KREMEN1: variants seen among roughly 807,000 people sequenced by gnomAD.
KREMEN1 encodes kringle containing transmembrane protein 1.
Under a neutral mutation model 46.5 loss-of-function variants are expected in KREMEN1, and 30 were observed. The observed-to-expected ratio is 0.65, with a 90% CI of 0.48 to 0.88. The LOEUF (loss-of-function observed/expected upper bound fraction) is 0.88. Among genes scored for constraint, KREMEN1 ranks in the 40% least tolerant of loss-of-function variants. The probability of loss-of-function intolerance (pLI) is 0.00; values close to 1 mark genes in which losing one functional copy is unlikely to be tolerated. For synonymous variants in KREMEN1, 214 were observed against 230.6 expected (o/e 0.93, Z 0.65); for missense variants, 533 against 596.9 (o/e 0.89, Z 1.11).
chr22:29,120,653 T>G (rs201254861), intron 3 of KREMEN1, among the ~76,000 whole-genome samples: 1 of 38,270 alleles, frequency 2.6e-5, no homozygotes. Context: ...AAACAGAGGG[T>G]GAAATGGTGC....
chr22:29,129,780 A>G (rs1387204550), intron 5 of KREMEN1, among the ~76,000 whole-genome samples: 10 of 152,186 alleles, frequency 6.6e-5, no homozygotes, highest in Admixed American at 6.5e-4. Flanking sequence ...TGCCACATCA[A>G]GTAATTTGTC....
downstream of KREMEN1, among the ~76,000 whole-genome samples, chr22:29,150,700 A>C (rs115475480): frequency 3.9e-5 from 6 of 152,356 alleles, no homozygotes; most frequent in African/African-American, 1.2e-4. Context: ...AGCCAAACAC[A>C]GGCGCAGCTT....
intron 9 of KREMEN1, among the ~76,000 whole-genome samples, chr22:29,153,211 C>A (rs371042350): frequency 6.6e-6 from 1 of 152,176 alleles, no homozygotes; most frequent in Non-Finnish European, 1.5e-5. Flanking sequence ...GGGTTTTGTC[C>A]GGCTTCTTCA....
chr22:29,114,277 A>G (rs1212659916), intron 3 of KREMEN1, among the ~76,000 whole-genome samples: 1 of 151,998 alleles, frequency 6.6e-6, no homozygotes, highest in Non-Finnish European at 1.5e-5. Context: ...TGAGGTCAGG[A>G]GTTCGAGACC....
intron 3 of KREMEN1, among the ~76,000 whole-genome samples, chr22:29,120,063 A>G (rs879851768): frequency 4.8e-5 from 6 of 126,242 alleles, no homozygotes; most frequent in Non-Finnish European, 1.0e-4. Context: ...AACAGGGAGG[A>G]GGGAGAGGTG....
intron 9 of KREMEN1, chr22:29,154,468 G>C (rs1368791499): frequency 6.6e-6 from 1 of 152,258 alleles, no homozygotes; most frequent in Non-Finnish European, 1.5e-5. Context: ...CAATGCTGCA[G>C]GTGGACAAAT....
intron 1 of KREMEN1, among the ~76,000 whole-genome samples, chr22:29,080,946 T>C (rs1466262245): frequency 6.7e-6 from 1 of 150,302 alleles, no homozygotes; most frequent in African/African-American, 2.4e-5. Flanking sequence ...TTGTCCTTTT[T>C]TTTTTTTTTT....
At chr22:29,109,758 G>A (rs1021076742) in intron 3 of KREMEN1, among the ~76,000 whole-genome samples, 1 of 152,220 alleles carries the variant, frequency 6.6e-6, no homozygotes, top group African/African-American at 2.4e-5. Context: ...GGGGAAGAGA[G>A]GATGCGTGTA....
At chr22:29,106,131 G>A (rs562811694) in intron 3 of KREMEN1, among the ~76,000 whole-genome samples, 91 of 152,252 alleles carry the variant, frequency 6.0e-4, no homozygotes, top group African/African-American at 2.1e-3. Context: ...AGCACTTTCT[G>A]TGTTTTAATG....
chr22:29,145,453 T>C lies in KREMEN1; in HGVS notation c.*3341T>C, dbSNP rs529118647. 69 of 985,634 alleles carry C rather than the reference T, an allele frequency of 7.0e-5. No individual in the cohort carries two copies. Among genetic ancestry groups the C allele is most frequent in the Non-Finnish European group, 8.2e-5 (68 of 830,110 alleles). 61.1% of individuals were successfully genotyped at this position (985,634 alleles called of 1,614,324 possible). On this transcript the variant is annotated 3_prime_UTR_variant, in exon 9 of 9. Coordinates refer to ENST00000400335, the MANE Select transcript of KREMEN1 (RefSeq NM_001039570.3). ...GGCCTGCGTGCCATCCTCACCCCTG[T>C]TCCCCGCTGGCGCCAGGCCCTGCCT... is the stretch of plus-strand genomic sequence containing the variant.
intron 1 of KREMEN1, among the ~76,000 whole-genome samples, chr22:29,085,122 C>G (rs142371179): frequency 1.3e-5 from 2 of 151,818 alleles, no homozygotes; most frequent in African/African-American, 4.8e-5. Context: ...ACTTTATGGC[C>G]GAATTTGTTT....
At chr22:29,157,031 T>C (rs1202183631) in intron 9 of KREMEN1, among the ~76,000 whole-genome samples, 1 of 152,218 alleles carries the variant, frequency 6.6e-6, no homozygotes, top group Admixed American at 6.5e-5. Context: ...GGGGTAAAGA[T>C]GGACTGAACC....
In KREMEN1 at chr22:29,137,634, T is replaced by C. The variant is rs775032829; in HGVS notation, c.924T>C (p.Asp308=). Residue 308 remains aspartate (D), a synonymous_variant, in exon 6 of 9, where the codon GAT becomes GAC. Transcript: ENST00000400335. ...LDFVILYFFS[D]RINQAQGFAV... is the part of the protein sequence containing the mutation. ...TCGTCATCTTGTATTTCTTCTCTGA[T>C]CGCATCAATCAGGCCCAGGGATTTG... 1.9e-6 allele frequency: 3 copies of C among 1,608,968 alleles called. No homozygotes were observed. Among genetic ancestry groups the C allele is most frequent in the Non-Finnish European group, 2.6e-6 (3 of 1,175,644 alleles).
chr22:29,116,891 C>T (rs1209958304), intron 3 of KREMEN1, among the ~76,000 whole-genome samples: 4 of 152,204 alleles, frequency 2.6e-5, no homozygotes, highest in Non-Finnish European at 5.9e-5. Flanking sequence ...CCCTCCACCC[C>T]CAACACTGGA....
In KREMEN1 at chr22:29,142,528, C is replaced by A. The variant is rs1052969699; in HGVS notation, c.*416C>A. The A allele has an allele frequency of 2.0e-6, 2 of 989,178 alleles. No homozygotes were observed. Among genetic ancestry groups the A allele is most frequent in the East Asian group, 2.2e-4 (2 of 8,990 alleles). The allele number at this position is 989,178 out of a possible 1,614,324, so 61.3% of individuals were successfully genotyped here. On this transcript the variant is annotated 3_prime_UTR_variant, in exon 9 of 9. Coordinates refer to ENST00000400335, the MANE Select transcript of KREMEN1 (RefSeq NM_001039570.3). ...TCTTGCTTCTCTATTTTTGTCCACA[C>A]ACAAATCAGTTTCTCCTGATCTTTA...
intron 3 of KREMEN1, among the ~76,000 whole-genome samples, chr22:29,106,532 G>A (rs2038062980): frequency 6.6e-6 from 1 of 152,002 alleles, no homozygotes; most frequent in Non-Finnish European, 1.5e-5. Context: ...CTATGAAGCA[G>A]GTGGCATGTC....
intron 5 of KREMEN1, among the ~76,000 whole-genome samples, chr22:29,128,888 A>G (rs540857378): frequency 6.2e-4 from 95 of 152,354 alleles, no homozygotes; most frequent in African/African-American, 2.2e-3. Flanking sequence ...TTTATTAACA[A>G]TAGTAAAAAT....
At position 29,146,131 on chromosome 22, in the gene KREMEN1, T is replaced by A. The variant is rs2145862530; in HGVS notation, c.*4019T>A. On this transcript the variant is annotated 3_prime_UTR_variant, in exon 9 of 9. Coordinates refer to ENST00000400335, the MANE Select transcript of KREMEN1 (RefSeq NM_001039570.3). Reference sequence around the variant, plus strand: ...CTCCACACCCCACCACCTGGCACCGTTAGGTTTCAGATCTCCCGTGTGGTG... The same window carrying A: ...CTCCACACCCCACCACCTGGCACCGATAGGTTTCAGATCTCCCGTGTGGTG... 1 of 985,816 alleles carries A rather than the reference T, an allele frequency of 1.0e-6. No individual in the cohort carries two copies. The highest frequency in any genetic ancestry group is 1.7e-5 in the African/African-American group (1 of 57,308). 61.1% of individuals were successfully genotyped at this position (985,816 alleles called of 1,614,324 possible).
At chr22:29,088,327 A>ACACACG (rs35603207) in intron 1 of KREMEN1, among the ~76,000 whole-genome samples, 39,886 of 150,222 alleles carry the variant, frequency 0.27, 6,708 homozygotes, top group Middle Eastern at 0.43. Flanking sequence ...ACACACACAC[A>ACACACG]CACGCACACA....
Sources: gnomAD v4.1 joint callset for allele counts (sites outside exome capture counted in the v4.1 genomes callset) on GRCh38, gnomAD v4.1.1 for gene constraint, MANE v1.5 for transcripts, NCBI Gene and HGNC (gene_info 2026-07-23, HGNC 2026-07-21) for gene names.